MROH9: variants seen among roughly 807,000 people sequenced by gnomAD.
MROH9 encodes the protein maestro heat-like repeat-containing protein family member 9.
In MROH9, 92 loss-of-function variants were observed where a neutral mutation model predicts 98.2. The observed-to-expected ratio is 0.94, with a 90% CI of 0.79 to 1.11. The LOEUF (loss-of-function observed/expected upper bound fraction) is 1.11. MROH9 is among the 50% of genes most tolerant of loss of function. MROH9 has a pLI of 0.00. For synonymous variants in MROH9, 397 were observed against 368.9 expected, an observed-to-expected ratio of 1.08 and a Z score of -0.87; for missense variants, 1,057 against 1,014.8, an observed-to-expected ratio of 1.04 and a Z score of -0.57.
At chr1:171,015,056 A>C (rs1652282338) in intron 16 of MROH9, 1 of 471,824 alleles carries the variant, frequency 2.1e-6, no homozygotes, top group Non-Finnish European at 4.4e-6. Flanking sequence ...TCTACACTCC[A>C]AAGTATCTTG....
chr1:171,012,414 GCT>G (rs1277133634), intron 15 of MROH9, among the ~76,000 whole-genome samples: 3 of 151,016 alleles, frequency 2.0e-5, no homozygotes, highest in Non-Finnish European at 4.4e-5. Context: ...TCGCTCTCTT[GCT>G]CTGTCACTCC....
intron 20 of MROH9, among the ~76,000 whole-genome samples, chr1:171,047,778 G>A (rs1251804123): frequency 6.6e-6 from 1 of 152,082 alleles, no homozygotes; most frequent in Non-Finnish European, 1.5e-5. Context: ...TTCACTGTCT[G>A]GGCTTATTTA....
rs529153743 is a variant in MROH9, at chr1:171,045,094, T to C, written c.2282-17038T>C. Among the ~76,000 whole-genome samples the C allele has an allele frequency of 2.9e-5, 4 of 140,330 alleles. No homozygotes were observed. The East Asian group carries it at 9.3e-4, about 33-fold the overall frequency. 92.1% of individuals were successfully genotyped at this position (140,330 alleles called of 152,430 possible). On this transcript the variant is annotated intron_variant, in intron 20 of 21. Transcript: ENST00000367759. ...TGGGCTCACTGCAAGCTCCACCTCCTGGATTCACGCCATTCTCCCGCCTCA... is the reference window on the plus strand; with the variant it reads ...TGGGCTCACTGCAAGCTCCACCTCCCGGATTCACGCCATTCTCCCGCCTCA...
At chr1:171,045,813 A>G (rs915418214) in intron 20 of MROH9, among the ~76,000 whole-genome samples, 1 of 152,140 alleles carries the variant, frequency 6.6e-6, no homozygotes, top group African/African-American at 2.4e-5. Flanking sequence ...GATCCATTTC[A>G]TGTATAGTGC....
chr1:171,031,515 T>TAAGCAA (rs1652912518), intron 20 of MROH9, among the ~76,000 whole-genome samples: 1 of 152,146 alleles, frequency 6.6e-6, no homozygotes, highest in African/African-American at 2.4e-5. Flanking sequence ...TTGAAATGAT[T>TAAGCAA]TTATTTCTCC....
intron 6 of MROH9, among the ~76,000 whole-genome samples, chr1:170,964,360 C>T (rs1650146695): frequency 6.6e-6 from 1 of 151,370 alleles, no homozygotes; most frequent in African/African-American, 2.4e-5. Flanking sequence ...GGCAGAGAGG[C>T]TGACCCCTCT....
At chr1:170,984,312 G>T (rs1651046628) in intron 9 of MROH9, among the ~76,000 whole-genome samples, 1 of 152,200 alleles carries the variant, frequency 6.6e-6, no homozygotes. Flanking sequence ...GAGATGGGTT[G>T]AATTGTGGGA....
intron 3 of MROH9, among the ~76,000 whole-genome samples, chr1:170,958,151 G>A (rs982254619): frequency 3.3e-5 from 5 of 151,246 alleles, no homozygotes; most frequent in African/African-American, 1.2e-4. Context: ...GTGTAGATGG[G>A]ACTTAATAGT....
intron 20 of MROH9, among the ~76,000 whole-genome samples, chr1:171,059,398 G>T (rs1337088840): frequency 6.6e-6 from 1 of 152,174 alleles, no homozygotes; most frequent in Non-Finnish European, 1.5e-5. Flanking sequence ...AATAGATGCT[G>T]GCGAGGCTGT....
At chr1:171,041,408 TACACACACACACAC>T (rs137951871) in intron 20 of MROH9, among the ~76,000 whole-genome samples, 1 of 102,972 alleles carries the variant, frequency 9.7e-6, no homozygotes, top group Non-Finnish European at 2.0e-5. Flanking sequence ...TCAAGATACA[TACACACACACACAC>T]ACACACACAC....
At chr1:171,044,043 T>G (rs985878985) in intron 20 of MROH9, among the ~76,000 whole-genome samples, 1 of 152,184 alleles carries the variant, frequency 6.6e-6, no homozygotes, top group Non-Finnish European at 1.5e-5. Flanking sequence ...CTTGTCATGT[T>G]CCAGATTTTA....
chr1:171,001,870 C>G (rs1338141464), intron 15 of MROH9, among the ~76,000 whole-genome samples: 1 of 151,972 alleles, frequency 6.6e-6, no homozygotes, highest in South Asian at 2.1e-4. Flanking sequence ...GTGTTGCTGT[C>G]TATCTCATAT....
intron 20 of MROH9, among the ~76,000 whole-genome samples, chr1:171,041,302 A>G (rs1366213212): frequency 6.7e-6 from 1 of 149,548 alleles, no homozygotes; most frequent in Admixed American, 6.7e-5. Context: ...TGTTGCTGCA[A>G]TATACATTAT....
At chr1:170,974,896 C>T (rs1458239886) in intron 8 of MROH9, among the ~76,000 whole-genome samples, 1 of 151,824 alleles carries the variant, frequency 6.6e-6, no homozygotes, top group Non-Finnish European at 1.5e-5. Flanking sequence ...AATTCTTCTC[C>T]TATGCACAAA....
At chr1:170,975,768 A>G (rs1650662175) in intron 8 of MROH9, among the ~76,000 whole-genome samples, 1 of 152,126 alleles carries the variant, frequency 6.6e-6, no homozygotes, top group African/African-American at 2.4e-5. Flanking sequence ...TCTCACTATT[A>G]TTGTGTGGGA....
intron 20 of MROH9, 40 bp from the exon 21 acceptor site, chr1:171,062,092 A>C (rs1313364637): frequency 8.7e-6 from 11 of 1,259,968 alleles, no homozygotes; most frequent in Non-Finnish European, 1.0e-5. Context: ...TATTTTCATA[A>C]TGCATGTTGC....
chr1:171,055,687 G>A (rs1259675670), intron 20 of MROH9, among the ~76,000 whole-genome samples: 1 of 151,438 alleles, frequency 6.6e-6, no homozygotes, highest in East Asian at 1.9e-4. Flanking sequence ...GGGAAGGGAT[G>A]AGGGATAAAA....
rs146042287 is a variant in MROH9 at position 170,976,579 on chromosome 1, T to A, written c.616+4696T>A. On this transcript the variant is annotated intron_variant, in intron 8 of 21. Transcript: ENST00000367759. ...CTGGCCAACATGGTGAAACCTCGTCTCTAATAAAAATACAAAAATTAGCTG... is the reference window on the plus strand; with the variant it reads ...CTGGCCAACATGGTGAAACCTCGTCACTAATAAAAATACAAAAATTAGCTG... Among the ~76,000 whole-genome samples the A allele has an allele frequency of 7.2e-3, 1,101 of 152,232 alleles. 17 individuals are homozygous for A. Among genetic ancestry groups the A allele is most frequent in the African/African-American group, 0.025 (1,019 of 41,528 alleles).
In MROH9 at chr1:170,990,539, A is replaced by G. The variant is rs149014855; in HGVS notation, c.1028+536A>G. Among the ~76,000 whole-genome samples, 390 of 152,302 alleles carry G rather than the reference A, an allele frequency of 2.6e-3. 2 individuals carry two copies. The highest frequency in any genetic ancestry group is 8.8e-3 in the African/African-American group (364 of 41,590). On this transcript the variant is annotated intron_variant, in intron 11 of 21. Transcript: ENST00000367759. ...AAGAAAAAAATACAAACGCGAGTCT[A>G]TGGGACAATATGAACCTAACAGGCA... is the stretch of plus-strand genomic sequence containing the variant.
Sources: gnomAD v4.1 joint callset for allele counts (sites outside exome capture counted in the v4.1 genomes callset) on GRCh38, gnomAD v4.1.1 for gene constraint, MANE v1.5 for transcripts, NCBI Gene and HGNC (gene_info 2026-07-23, HGNC 2026-07-21) for gene names.